The following PRKAR1A variants were observed in gnomAD, a reference collection of about 807,000 sequenced individuals.
PRKAR1A encodes protein kinase cAMP-dependent type I regulatory subunit alpha.
A neutral mutation model predicts 52.0 loss-of-function variants in PRKAR1A; 3 were observed. The observed-to-expected ratio is 0.06, with a 90% CI of 0.03 to 0.15. The LOEUF is 0.15. Ranked by LOEUF, PRKAR1A falls within the 10% of genes least tolerant of loss-of-function variation. PRKAR1A has a pLI of 1.00. For synonymous variants in PRKAR1A, 188 were observed against 168.4 expected (o/e 1.12, Z -0.90); for missense variants, 240 against 477.4 (o/e 0.50, Z 4.63).
At chr17:68,501,821 C>T in the PRKAR1A span, among the ~76,000 whole-genome samples, 3 of 152,200 alleles carry the variant, frequency 2.0e-5, no homozygotes, top group Admixed American at 1.3e-4. Flanking sequence ...GGATGTCCAG[C>T]AGCCCTTCAA....
At chr17:68,529,029 T>A (rs1432263478) in intron 9 of PRKAR1A, 38 bp downstream of exon 9, 4 of 1,611,948 alleles carry the variant, frequency 2.5e-6, no homozygotes, top group Non-Finnish European at 3.4e-6. Flanking sequence ...ATTTTAGAGG[T>A]AAAGAACTCA....
chr17:68,551,087 A>T, exon 12 of PRKAR1A: 1 of 1,234,248 alleles, frequency 8.1e-7, no homozygotes, highest in East Asian at 3.2e-5. Flanking sequence ...TCTGCAGGTC[A>T]CCTCATCATC....
the PRKAR1A span, among the ~76,000 whole-genome samples, chr17:68,471,127 C>T: frequency 7.9e-5 from 12 of 152,096 alleles, no homozygotes; most frequent in Non-Finnish European, 1.5e-4. Context: ...AAGTAATACA[C>T]CCACAGCAGA....
chr17:68,437,010 A>ATGTGTGTGTG, the PRKAR1A span, among the ~76,000 whole-genome samples: 3,582 of 77,848 alleles, frequency 0.046, 63 homozygotes, highest in Non-Finnish European at 0.054. Context: ...AAAAAAATAT[A>ATGTGTGTGTG]TATATATGTG....
At chr17:68,536,640 G>T (rs1277919715), downstream of PRKAR1A, 1 of 452,324 alleles carries the variant, frequency 2.2e-6, no homozygotes, top group Admixed American at 2.4e-5. Context: ...GTGGTTGGTG[G>T]GCTGTAGTCA....
At chr17:68,547,223 A>G (rs895743319) in intron 11 of PRKAR1A, among the ~76,000 whole-genome samples, 4 of 152,234 alleles carry the variant, frequency 2.6e-5, no homozygotes, top group Non-Finnish European at 4.4e-5. Flanking sequence ...CAGCGACATT[A>G]TCACCTAACA....
At chr17:68,520,283 G>C (rs117000525) in intron 2 of PRKAR1A, among the ~76,000 whole-genome samples, 143 of 152,318 alleles carry the variant, frequency 9.4e-4, no homozygotes, top group Non-Finnish European at 1.1e-3. Context: ...ACAGGGAAGA[G>C]TGACAGAAGC....
chr17:68,459,103 A>T, the PRKAR1A span, among the ~76,000 whole-genome samples: 1 of 152,216 alleles, frequency 6.6e-6, no homozygotes, highest in Non-Finnish European at 1.5e-5. Context: ...GATGTAAAAA[A>T]TAGTTCAGCT....
chr17:68,414,770 A>AT, the PRKAR1A span, among the ~76,000 whole-genome samples: 5 of 152,030 alleles, frequency 3.3e-5, no homozygotes, highest in African/African-American at 1.2e-4. Context: ...GGAGGGTTGT[A>AT]TTTTTCCAGG....
chr17:68,424,704 C>T, the PRKAR1A span, among the ~76,000 whole-genome samples: 3 of 152,088 alleles, frequency 2.0e-5, no homozygotes, highest in African/African-American at 4.8e-5. Context: ...GGTGAAACCC[C>T]GTCTCTACTA....
the PRKAR1A span, among the ~76,000 whole-genome samples, chr17:68,476,646 C>A: frequency 2.0e-4 from 31 of 151,676 alleles, no homozygotes; most frequent in Non-Finnish European, 4.1e-4. Flanking sequence ...CTCCCTCCCT[C>A]CATCCCTCCC....
chr17:68,461,777 C>T, the PRKAR1A span, among the ~76,000 whole-genome samples: 1 of 152,034 alleles, frequency 6.6e-6, no homozygotes. This position sits in a 1 kb window ranked among gnomAD's most constrained non-coding sequence, Gnocchi z 4.6. Context: ...GGCGATGTGT[C>T]AGTACGTGGA....
At chr17:68,460,515 C>T in the PRKAR1A span, among the ~76,000 whole-genome samples, 3 of 152,252 alleles carry the variant, frequency 2.0e-5, no homozygotes, top group Non-Finnish European at 4.4e-5. Flanking sequence ...CCTTCCCAGC[C>T]TCAGCCTTTC....
chr17:68,537,548 G>A (rs2086129850), downstream of PRKAR1A: 1 of 1,613,606 alleles, frequency 6.2e-7, no homozygotes, highest in Non-Finnish European at 8.5e-7. This position sits in a 1 kb window ranked among gnomAD's most constrained non-coding sequence, Gnocchi z 4.2. Flanking sequence ...ATGACACTCT[G>A]CTGTCCATGG....
At chr17:68,482,811 A>G in the PRKAR1A span, among the ~76,000 whole-genome samples, 1 of 152,208 alleles carries the variant, frequency 6.6e-6, no homozygotes, top group African/African-American at 2.4e-5. Flanking sequence ...CATATAAACT[A>G]TTTGCTCTCA....
chr17:68,540,669 G>C, intron 11 of PRKAR1A: 2 of 782,036 alleles, frequency 2.6e-6, no homozygotes, highest in Non-Finnish European at 4.3e-6. Flanking sequence ...CCAGTTCTTT[G>C]AAGAGAGGGG....
chr17:68,462,539 C>T, the PRKAR1A span, among the ~76,000 whole-genome samples: 1 of 152,220 alleles, frequency 6.6e-6, no homozygotes, highest in Admixed American at 6.5e-5. Context: ...TAGATCTTCT[C>T]ATGTGACGCT....
At chr17:68,498,184 C>G in the PRKAR1A span, among the ~76,000 whole-genome samples, 1 of 152,134 alleles carries the variant, frequency 6.6e-6, no homozygotes, top group Non-Finnish European at 1.5e-5. Flanking sequence ...TTCCTCTTTT[C>G]TCTCCGTAAC....
At chr17:68,487,548 C>G in the PRKAR1A span, among the ~76,000 whole-genome samples, 1 of 151,956 alleles carries the variant, frequency 6.6e-6, no homozygotes, top group African/African-American at 2.4e-5. Context: ...CACCTATAAT[C>G]CCTGCACTTT....
Sources: gnomAD v4.1 joint callset for allele counts (sites outside exome capture counted in the v4.1 genomes callset) on GRCh38, gnomAD v4.1.1 for gene constraint, Gnocchi (gnomAD v3.1) non-coding constraint, MANE v1.5 for transcripts, NCBI Gene and HGNC (gene_info 2026-07-23, HGNC 2026-07-21) for gene names.